Variants in HOXB3 observed in about 807,000 individuals in gnomAD.
HOXB3 encodes homeobox B3, also known as homeobox protein Hox-B3.
Under a neutral mutation model 29.2 loss-of-function variants are expected in HOXB3, and 17 were observed. The observed-to-expected ratio is 0.58, with a 90% CI of 0.40 to 0.87. The LOEUF (loss-of-function observed/expected upper bound fraction) is 0.87. Among genes scored for constraint, HOXB3 ranks in the 40% least tolerant of loss-of-function variants. HOXB3 has a pLI of 0.00. For missense variants in HOXB3, 637 were observed against 616.3 expected (o/e 1.03, Z -0.35); for synonymous variants, 317 against 285.9 (o/e 1.11, Z -1.10).
At chr17:48,575,856 C>T (rs1025411700) in intron 1 of HOXB3, 2 of 152,524 alleles carry the variant, frequency 1.3e-5, no homozygotes, top group African/African-American at 4.8e-5. Flanking sequence ...CAGAGTAGTG[C>T]CCAGCTCCCA....
chr17:48,554,076 G>A lies in HOXB3; in HGVS notation c.-158-1444C>T, dbSNP rs2068866780. Among the ~76,000 whole-genome samples the A allele has an allele frequency of 6.6e-6, 1 of 152,178 alleles. No homozygotes were observed. Among genetic ancestry groups the A allele is most frequent in the Admixed American group, 6.5e-5 (1 of 15,280 alleles). On this transcript the variant is annotated intron_variant, in intron 3 of 4. Coordinates refer to ENST00000498678, the MANE Select transcript of HOXB3 (RefSeq NM_001384749.1). This position sits in a 1 kb window ranked among gnomAD's most constrained non-coding sequence, Gnocchi z 4.1. Reference sequence around the variant, plus strand: ...CGATTGGTTTCTGGAAATACACATGGGTCTGCAAAGCAGCAGGTCCTTCCA... The same window carrying A: ...CGATTGGTTTCTGGAAATACACATGAGTCTGCAAAGCAGCAGGTCCTTCCA...
At chr17:48,551,959 T>A in intron 4 of HOXB3, 68 bp downstream of exon 4, 3 of 1,454,762 alleles carry the variant, frequency 2.1e-6, no homozygotes, top group Non-Finnish European at 2.8e-6. Context: ...AGGGGCTGGG[T>A]GCTAGAATAA....
intron 1 of HOXB3, chr17:48,576,650 T>TTCCCCCCCCCCCCCCCCC: frequency 1.8e-6 from 1 of 567,770 alleles, no homozygotes; most frequent in African/African-American, 2.0e-5. Flanking sequence ...CCCCCTCCTG[T>TTCCCCCCCCCCCCCCCCC]CCCCCCACCC....
rs200264312 is a variant in HOXB3, at chr17:48,550,780, G to A, written c.850C>T (p.Pro284Ser). The A allele has an allele frequency of 3.0e-4, 478 of 1,607,144 alleles. 2 individuals carry two copies. In the East Asian group the frequency reaches 5.1e-3, roughly 17 times the overall value. Residue 284 changes from proline (P) to serine (S), a missense_variant, in exon 5 of 5, where the codon CCC becomes TCC. Physicochemically the swap from Pro to Ser is moderately conservative, Grantham distance 74 (BLOSUM62 -1). Transcript: ENST00000498678. ...GFMNALHSMT[P>S]SYESPSPPAF... The stretch of plus-strand genomic sequence containing the variant: ...GGTGGGGACGGGCTCTCGTAGCTGG[G>A]GGTCATGGAGTGTAAGGCGTTCATG...
chr17:48,580,113 TC>T, intron 1 of HOXB3: 1 of 332,152 alleles, frequency 3.0e-6, no homozygotes. Flanking sequence ...TCAATTCTCC[TC>T]TTCTATTAGA....
At chr17:48,561,049 G>A (rs1028005174) in intron 2 of HOXB3, among the ~76,000 whole-genome samples, 63 of 152,172 alleles carry the variant, frequency 4.1e-4, no homozygotes, top group East Asian at 1.7e-3. Context: ...GTGTGGTGGC[G>A]CATGCCTGTA....
chr17:48,578,363 G>T (rs1344328243), intron 1 of HOXB3: 3 of 1,581,056 alleles, frequency 1.9e-6, no homozygotes, highest in Non-Finnish European at 2.6e-6. Context: ...AATTTATTCC[G>T]ACCCCTGACT....
chr17:48,557,772 G>A (rs1204186380), intron 2 of HOXB3, among the ~76,000 whole-genome samples: 1 of 152,168 alleles, frequency 6.6e-6, no homozygotes, highest in Non-Finnish European at 1.5e-5. Context: ...GTATTTTTCT[G>A]TGTTTATTAG....
Position 48,555,514 on chromosome 17 carries a change from A to G in HOXB3, c.-159+17T>C, listed in dbSNP as rs914273838. 1.4e-6 allele frequency: 1 copy of G among 702,706 alleles called. No individual in the cohort carries two copies. Among genetic ancestry groups the G allele is most frequent in the Admixed American group, 2.0e-5 (1 of 50,008 alleles). The allele number at this position is 702,706 out of a possible 1,614,324, so 43.5% of individuals were successfully genotyped here. ...TCCGCCATTCACAAACTGATAGCCT[A>G]TTTCAGTCCAGCTTACCTTAGCCAC... On this transcript the variant is annotated intron_variant, in intron 3 of 4. Transcript: ENST00000498678.
At chr17:48,556,350 CCTCTGCACTCAT>C (rs2068989959) in intron 2 of HOXB3, 1 of 152,006 alleles carries the variant, frequency 6.6e-6, no homozygotes, top group Non-Finnish European at 1.5e-5. Flanking sequence ...GCCGGGTGCC[CCTCTGCACTCAT>C]TCGCAATTGG....
chr17:48,564,462 C>T (rs962585342), intron 2 of HOXB3, among the ~76,000 whole-genome samples: 3 of 152,036 alleles, frequency 2.0e-5, no homozygotes, highest in African/African-American at 7.2e-5. Flanking sequence ...TGTTCGGCCT[C>T]CAGGGCCCCA....
chr17:48,569,038 TCTCTCTCTCTCC>T (rs1173469279), intron 2 of HOXB3, among the ~76,000 whole-genome samples: 3 of 148,304 alleles, frequency 2.0e-5, no homozygotes, highest in Non-Finnish European at 3.0e-5. Flanking sequence ...TTTCTTTCTC[TCTCTCTCTCTCC>T]CTCTCTCTCT....
At chr17:48,558,695 G>A (rs1219420820) in intron 2 of HOXB3, among the ~76,000 whole-genome samples, 3 of 152,094 alleles carry the variant, frequency 2.0e-5, no homozygotes. Flanking sequence ...AACTTCAGGG[G>A]ATAAAGGCTG....
intron 2 of HOXB3, chr17:48,557,079 G>T (rs2069020654): frequency 6.6e-6 from 1 of 152,388 alleles, no homozygotes; most frequent in Non-Finnish European, 1.5e-5. Flanking sequence ...GCAGATTTGG[G>T]ACAGGGGGTG....
intron 2 of HOXB3, among the ~76,000 whole-genome samples, chr17:48,558,613 C>CGGAG (rs2069084592): frequency 6.6e-6 from 1 of 151,950 alleles, no homozygotes; most frequent in South Asian, 2.1e-4. Flanking sequence ...GGCTGGAGGA[C>CGGAG]GGAGGGTGGA....
chr17:48,553,541 A>G (rs2068847594), intron 3 of HOXB3: 1 of 152,052 alleles, frequency 6.6e-6, no homozygotes, highest in Non-Finnish European at 1.5e-5. Context: ...CAAATAAGAA[A>G]CAAGAAGTTA....
At chr17:48,581,847 C>T (rs974783829) in intron 1 of HOXB3, 2 of 152,328 alleles carry the variant, frequency 1.3e-5, no homozygotes, top group Admixed American at 1.3e-4. Context: ...GCCGCACCCC[C>T]CTCACCCCTC....
rs2068689687 is a variant in HOXB3 at position 48,550,617 on chromosome 17, C to T, written c.1013G>A (p.Gly338Glu). 1 of 1,521,082 alleles carries T rather than the reference C, an allele frequency of 6.6e-7. No individual in the cohort carries two copies. Among genetic ancestry groups the T allele is most frequent in the African/African-American group, 1.4e-5 (1 of 71,692 alleles). 94.2% of individuals were successfully genotyped at this position (1,521,082 alleles called of 1,614,324 possible). ...CATGGTGGGCGTCCCGTAGGCGCCC[C>T]CGTTGGCTTGGAGGACGTGCGGCTC... Reference protein sequence around the residue: ...EYEPHVLQANGGAYGTPTMQG... With the variant: ...EYEPHVLQANEGAYGTPTMQG... The change falls in exon 5 of 5, where the codon GGG (glycine) becomes GAG (glutamate). Residue 338 changes from glycine (G) to glutamate (E), a missense_variant. Coordinates refer to ENST00000498678, the MANE Select transcript of HOXB3 (RefSeq NM_001384749.1).
chr17:48,564,662 G>T (rs936005975), intron 2 of HOXB3, among the ~76,000 whole-genome samples: 4 of 152,256 alleles, frequency 2.6e-5, no homozygotes, highest in Non-Finnish European at 5.9e-5. Flanking sequence ...CGAGGCGTAG[G>T]GAGCGCCGGG....
Sources: gnomAD v4.1 joint callset for allele counts (sites outside exome capture counted in the v4.1 genomes callset) on GRCh38, gnomAD v4.1.1 for gene constraint, Gnocchi (gnomAD v3.1) non-coding constraint, MANE v1.5 for transcripts, NCBI Gene and HGNC (gene_info 2026-07-23, HGNC 2026-07-21) for gene names.